TRPM3: variants seen among roughly 807,000 people sequenced by gnomAD.
TRPM3 encodes transient receptor potential cation channel subfamily M member 3.
In TRPM3, 77 loss-of-function variants were observed where a neutral mutation model predicts 181.2. That is an observed-to-expected ratio of 0.42 (90% confidence interval 0.35 to 0.51). TRPM3 has a LOEUF of 0.51. Among genes scored for constraint, TRPM3 ranks in the 20% least tolerant of loss-of-function variants. The pLI is 0.01. For missense variants in TRPM3, 1,759 were observed against 2,196.7 expected (o/e 0.80, Z 3.98); for synonymous variants, 745 against 796.4 (o/e 0.94, Z 1.09).
intron 1 of TRPM3, among the ~76,000 whole-genome samples, chr9:70,869,603 A>T (rs945611188): frequency 2.0e-5 from 3 of 152,060 alleles, no homozygotes; most frequent in African/African-American, 7.2e-5. Flanking sequence ...CATGGGCCTA[A>T]GAAGAATGAA....
chr9:71,042,281 C>A (rs1001055866), intron 1 of TRPM3, among the ~76,000 whole-genome samples: 2 of 152,066 alleles, frequency 1.3e-5, no homozygotes, highest in East Asian at 1.9e-4. Flanking sequence ...TCAACTGAGC[C>A]TCTGCTGTGC....
Position 71,406,007 on chromosome 9 carries a change from G to A in TRPM3, c.183+40646C>T, listed in dbSNP as rs1430348288. On this transcript the variant is annotated intron_variant, in intron 1 of 24. Transcript: ENST00000357533. ...TAAAAAATTGGTGGCTGGGCACGGTGGCTCACACCTGTAATCCCAGCACTT... is the reference window on the plus strand; with the variant it reads ...TAAAAAATTGGTGGCTGGGCACGGTAGCTCACACCTGTAATCCCAGCACTT... Among the ~76,000 whole-genome samples, 3 of 152,190 alleles carry A rather than the reference G, an allele frequency of 2.0e-5. No individual in the cohort carries two copies. The South Asian group carries it at 6.3e-4, about 32-fold the overall frequency.
intron 1 of TRPM3, among the ~76,000 whole-genome samples, chr9:71,027,635 C>A (rs2056735944): frequency 6.6e-6 from 1 of 152,146 alleles, no homozygotes; most frequent in African/African-American, 2.4e-5. Flanking sequence ...CCTGACAGAG[C>A]TGAAAGACAC....
At chr9:71,435,161 T>A (rs999586795) in intron 1 of TRPM3, among the ~76,000 whole-genome samples, 1 of 152,180 alleles carries the variant, frequency 6.6e-6, no homozygotes, top group Non-Finnish European at 1.5e-5. Flanking sequence ...TCTCACTCAT[T>A]TGACCCATCT....
chr9:71,080,292 C>T (rs1220250458), intron 1 of TRPM3, among the ~76,000 whole-genome samples: 1 of 151,990 alleles, frequency 6.6e-6, no homozygotes, highest in African/African-American at 2.4e-5. Flanking sequence ...GATGCTAGCA[C>T]CCTAATGGTG....
chr9:71,411,731 G>T (rs2093553421), intron 1 of TRPM3, among the ~76,000 whole-genome samples: 1 of 152,140 alleles, frequency 6.6e-6, no homozygotes, highest in Admixed American at 6.6e-5. Context: ...TTTCTTCACA[G>T]AATTGGAAAA....
intron 1 of TRPM3, among the ~76,000 whole-genome samples, chr9:70,981,360 C>A (rs748714306): frequency 5.9e-5 from 9 of 152,144 alleles, no homozygotes; most frequent in Non-Finnish European, 1.0e-4. Context: ...TCTGGAAGCA[C>A]ATGATTAGCT....
chr9:71,236,813 G>T (rs2131940294), intron 1 of TRPM3, among the ~76,000 whole-genome samples: 1 of 152,330 alleles, frequency 6.6e-6, no homozygotes. Flanking sequence ...TTGGGAGGCA[G>T]AAGTGGGCAG....
At chr9:71,101,435 A>C (rs1029393487) in intron 1 of TRPM3, among the ~76,000 whole-genome samples, 4 of 152,152 alleles carry the variant, frequency 2.6e-5, no homozygotes, top group African/African-American at 9.6e-5. Context: ...GACTGTTTCT[A>C]ATGACCGAAG....
Position 70,629,215 on chromosome 9 carries a change from C to CGGGGGGG in TRPM3, c.1633-3705_1633-3699dup, listed in dbSNP as rs550040624. Among the ~76,000 whole-genome samples the CGGGGGGG allele has an allele frequency of 1.6e-3, 16 of 10,166 alleles. 6 individuals carry two copies. The highest frequency in any genetic ancestry group is 0.017 in the East Asian group (2 of 120). The allele number at this position is 10,166 out of a possible 152,430, so 6.7% of individuals were successfully genotyped here. On this transcript the variant is annotated intron_variant, in intron 12 of 25. Transcript: ENST00000677713. The stretch of plus-strand genomic sequence containing the variant: ...GGATAAATGATTCTGTGACCAGTGC[C>CGGGGGGG]GGGGGGGGGGGGGGCCTGCGTTCTG...
chr9:71,309,666 GA>G (rs2132389316), intron 1 of TRPM3, among the ~76,000 whole-genome samples: 1 of 152,066 alleles, frequency 6.6e-6, no homozygotes, highest in Admixed American at 6.6e-5. Flanking sequence ...ATAAATAATG[GA>G]AAAACAAAAC....
intron 1 of TRPM3, among the ~76,000 whole-genome samples, chr9:70,923,719 T>C (rs1304699212): frequency 6.6e-6 from 1 of 151,546 alleles, no homozygotes; most frequent in East Asian, 1.9e-4. Flanking sequence ...CTGAAAGCTG[T>C]CCATTTGATT....
chr9:70,680,090 T>C (rs567364798), intron 9 of TRPM3, among the ~76,000 whole-genome samples: 3 of 152,296 alleles, frequency 2.0e-5, no homozygotes, highest in African/African-American at 7.2e-5. Flanking sequence ...AATGTGCATA[T>C]ATACACTTGG....
chr9:70,857,443 G>A (rs1019004934), intron 3 of TRPM3, among the ~76,000 whole-genome samples: 6 of 152,126 alleles, frequency 3.9e-5, no homozygotes, highest in East Asian at 1.9e-4. Flanking sequence ...AGTTTACGAA[G>A]ACCCCTTCCT....
intron 1 of TRPM3, among the ~76,000 whole-genome samples, chr9:70,875,727 C>T (rs945441254): frequency 6.6e-6 from 1 of 151,830 alleles, no homozygotes; most frequent in Non-Finnish European, 1.5e-5. Flanking sequence ...AGAGACTGCT[C>T]AAGATTTGTA....
intron 22 of TRPM3, among the ~76,000 whole-genome samples, chr9:70,563,414 C>T (rs2049659442): frequency 6.6e-6 from 1 of 152,192 alleles, no homozygotes; most frequent in Non-Finnish European, 1.5e-5. Context: ...ATTTCCCTTG[C>T]CCTGCTCACA....
chr9:70,884,815 T>C (rs2132741284), intron 1 of TRPM3, among the ~76,000 whole-genome samples: 1 of 152,312 alleles, frequency 6.6e-6, no homozygotes, highest in Middle Eastern at 3.4e-3. Context: ...AATCAATGAC[T>C]TGAGGCAAAA....
intron 1 of TRPM3, among the ~76,000 whole-genome samples, chr9:71,089,391 T>G (rs1365122483): frequency 6.6e-6 from 1 of 151,494 alleles, no homozygotes. Flanking sequence ...TCTACCTCCA[T>G]ATAAGTAGTC....
rs537484746 is a variant in TRPM3 at position 70,956,296 on chromosome 9, CTTTTTTT to C, written c.178-91792_178-91786del. Among the ~76,000 whole-genome samples the C allele has an allele frequency of 2.0e-3, 199 of 97,144 alleles. 1 individual carries two copies. The South Asian group carries it at 0.032, about 15-fold the overall frequency. 63.7% of individuals were successfully genotyped at this position (97,144 alleles called of 152,430 possible). ...CTCATCTCTACCAGGAGAAATACACCTTTTTTTTTTTTTTTTTTTTTTGCCTTAGAAA... is the reference window on the plus strand; with the variant it reads ...CTCATCTCTACCAGGAGAAATACACCTTTTTTTTTTTTTTTGCCTTAGAAA... On this transcript the variant is annotated intron_variant, in intron 1 of 25. Transcript: ENST00000677713.
Sources: allele counts gnomAD v4.1 joint callset (sites outside exome capture counted in the v4.1 genomes callset), GRCh38; gene constraint gnomAD v4.1.1; transcripts MANE v1.5; gene names NCBI Gene and HGNC (gene_info 2026-07-23, HGNC 2026-07-21).